PARP14: variants seen among roughly 807,000 people sequenced by gnomAD.
PARP14 encodes the protein protein mono-ADP-ribosyltransferase PARP14.
PARP14 carries 59 observed loss-of-function variants against 154.2 expected under a neutral mutation model. The ratio of observed to expected loss-of-function variants is 0.38; its 90% confidence interval spans 0.31 to 0.48. PARP14 has a LOEUF of 0.48. Ranked by LOEUF, PARP14 falls within the 20% of genes least tolerant of loss-of-function variation. The pLI, the probability that PARP14 is intolerant of heterozygous loss-of-function variation, is 0.98. For missense variants in PARP14, 1,734 were observed against 2,131.6 expected, an observed-to-expected ratio of 0.81 and a Z score of 3.67; for synonymous variants, 720 against 780.5, an observed-to-expected ratio of 0.92 and a Z score of 1.29.
Position 122,680,935 on chromosome 3 carries a change from G to A in PARP14, c.52G>A (p.Asp18Asn). 1 of 1,612,868 alleles carries A rather than the reference G, an allele frequency of 6.2e-7. No individual in the cohort carries two copies. The highest frequency in any genetic ancestry group is 1.1e-5 in the South Asian group (1 of 90,896). Residue 18 changes from aspartate to asparagine, a missense_variant, in exon 1 of 17, where the codon GAC becomes AAC. Asp to Asn is a conservative substitution (Grantham distance 23, BLOSUM62 1). Around this residue, in one of 2 missense-constraint regions of PARP14, gnomAD observed 1,646 missense variants for 1,976.0 expected, o/e 0.83. Transcript: ENST00000474629. ...PLLVEGSWGP[D>N]PPKNLNTKLQ... ...GCTGGTCGAGGGCTCCTGGGGCCCCGACCCCCCGAAGAACTTGAACACCAA... is the reference window on the plus strand; with the variant it reads ...GCTGGTCGAGGGCTCCTGGGGCCCCAACCCCCCGAAGAACTTGAACACCAA...
intron 7 of PARP14, 39 bp downstream of exon 7, chr3:122,704,017 C>A (rs1351732333): frequency 1.4e-6 from 2 of 1,416,830 alleles, no homozygotes; most frequent in South Asian, 1.2e-5. Context: ...AGTTGGGTAG[C>A]CCTTTGGGTT....
Position 122,713,410 on chromosome 3 carries a change from T to A in PARP14, c.3620-14T>A, listed in dbSNP as rs1474335658. The A allele has an allele frequency of 6.2e-7, 1 of 1,604,844 alleles. No individual in the cohort carries two copies. On this transcript the variant is annotated splice_polypyrimidine_tract_variant and intron_variant, in intron 9 of 16. Coordinates refer to ENST00000474629, the MANE Select transcript of PARP14 (RefSeq NM_017554.3). ...GGCTGACTCGGTTATTGACTTTACT[T>A]CTTTTCTTTTCAGGTTTTTATGGGA...
At chr3:122,697,402 T>C (rs1471274997) in intron 5 of PARP14, among the ~76,000 whole-genome samples, 1 of 152,258 alleles carries the variant, frequency 6.6e-6, no homozygotes, top group Non-Finnish European at 1.5e-5. Flanking sequence ...TCCAATAACT[T>C]GCCCAAGATT....
rs1933408200 is a variant in PARP14, at chr3:122,730,801, C to T, written c.*2204C>T. On this transcript the variant is annotated 3_prime_UTR_variant, in exon 17 of 17. Transcript: ENST00000474629. ...TCCTCAATCTAAATATGTCAACTGT[C>T]ATTTTGCTACTTTTCAAATAAAATA... 6.6e-6 allele frequency: 1 copy of T among 152,632 alleles called. No individual in the cohort carries two copies. The highest frequency in any genetic ancestry group is 2.4e-5 in the African/African-American group (1 of 41,440). 9.5% of individuals were successfully genotyped at this position (152,632 alleles called of 1,614,324 possible). A position where few individuals can be genotyped will look rare whatever the true frequency, so the allele number is the denominator to read the frequency against.
At position 122,729,083 on chromosome 3, in the gene PARP14, T is replaced by C. The variant is rs1933357266; in HGVS notation, c.*486T>C. The C allele has an allele frequency of 6.4e-6, 1 of 155,978 alleles. No individual in the cohort carries two copies. Among genetic ancestry groups the C allele is most frequent in the East Asian group, 1.9e-4 (1 of 5,274 alleles). 9.7% of individuals were successfully genotyped at this position (155,978 alleles called of 1,614,324 possible). A position where few individuals can be genotyped will look rare whatever the true frequency, so the allele number is the denominator to read the frequency against. On this transcript the variant is annotated 3_prime_UTR_variant, in exon 17 of 17. Coordinates refer to ENST00000474629, the MANE Select transcript of PARP14 (RefSeq NM_017554.3). ...CCCTTGAGATGAGGTCTGTGCCTGA[T>C]GTACAACGGATACTCCATAAATGTT...
rs989789952 is a variant in PARP14 at position 122,716,260 on chromosome 3, T to C, written c.4001-1811T>C. Among the ~76,000 whole-genome samples, 3 of 152,192 alleles carry C rather than the reference T, an allele frequency of 2.0e-5. No individual in the cohort carries two copies. The South Asian group carries it at 6.2e-4, about 31-fold the overall frequency. ...AACGCAGACTCCAAACTCTCATTCC[T>C]TGTCATCTCCCCAAACCTGCCCTTC... is the stretch of plus-strand genomic sequence containing the variant. On this transcript the variant is annotated intron_variant, in intron 12 of 16. Transcript: ENST00000474629.
intron 15 of PARP14, 151 bp downstream of exon 15, chr3:122,720,539 A>G (rs1274540345): frequency 2.8e-6 from 2 of 719,452 alleles, no homozygotes; most frequent in Non-Finnish European, 4.9e-6. Flanking sequence ...GATTCTACTC[A>G]TGTGACCATA....
chr3:122,696,353 G>A (rs1322507415), intron 5 of PARP14, among the ~76,000 whole-genome samples: 1 of 152,114 alleles, frequency 6.6e-6, no homozygotes, highest in Non-Finnish European at 1.5e-5. Context: ...AATCAGGGTG[G>A]GGCATGACAT....
chr3:122,689,724 C>T (rs1250998158), intron 3 of PARP14, among the ~76,000 whole-genome samples: 3 of 152,202 alleles, frequency 2.0e-5, no homozygotes, highest in East Asian at 1.9e-4. Context: ...TGTCTGCCAC[C>T]CTTCTCCTTA....
chr3:122,692,635 A>T, intron 4 of PARP14, 92 bp downstream of exon 4: 2 of 1,114,502 alleles, frequency 1.8e-6, no homozygotes, highest in Non-Finnish European at 1.3e-6. Context: ...TGAAAGTTTG[A>T]CTCTTTCTAG....
chr3:122,691,008 G>C (rs1281021835), intron 3 of PARP14, among the ~76,000 whole-genome samples: 1 of 152,114 alleles, frequency 6.6e-6, no homozygotes, highest in Non-Finnish European at 1.5e-5. Flanking sequence ...TATTTATATT[G>C]GCCAGGCCTG....
In PARP14 at chr3:122,701,230, G is replaced by C. The variant is rs746194256; in HGVS notation, c.2676G>C (p.Arg892Ser). 1 of 1,613,654 alleles carries C rather than the reference G, an allele frequency of 6.2e-7. No individual in the cohort carries two copies. Among genetic ancestry groups the C allele is most frequent in the Admixed American group, 1.7e-5 (1 of 59,928 alleles). ...GPRWSGYEAP[R>S]CVYLLRRAVQ... ...GCTGGAGCGGATATGAGGCCCCGAG[G>C]TGTGTGTACCTATTAAGGAGAGCTG... The change falls in exon 6 of 17, where the codon AGG (arginine) becomes AGC (serine). Residue 892 changes from arginine (R) to serine (S), a missense_variant. Physicochemically the swap from Arg to Ser is moderately radical, Grantham distance 110. Around this residue, in one of 2 missense-constraint regions of PARP14, gnomAD observed 1,646 missense variants for 1,976.0 expected, o/e 0.83. Transcript: ENST00000474629. This position sits in a 1 kb window ranked among gnomAD's most constrained non-coding sequence, Gnocchi z 4.0.
chr3:122,692,639 T>A, intron 4 of PARP14, 96 bp downstream of exon 4: 1 of 1,029,834 alleles, frequency 9.7e-7, no homozygotes, highest in Non-Finnish European at 1.4e-6. Context: ...AGTTTGACTC[T>A]TTCTAGTAGC....
intron 8 of PARP14, among the ~76,000 whole-genome samples, chr3:122,707,873 C>T (rs967381996): frequency 6.6e-5 from 10 of 152,198 alleles, no homozygotes; most frequent in African/African-American, 1.7e-4. Flanking sequence ...CACATGGATA[C>T]AGCAACATTT....
chr3:122,690,657 G>A (rs1877374), intron 3 of PARP14, among the ~76,000 whole-genome samples: 57,210 of 152,032 alleles, frequency 0.38, 13,515 homozygotes, highest in African/African-American at 0.65. Context: ...GATTAGAGGC[G>A]TGTGTTACCA....
chr3:122,690,520 A>G (rs1469729430), intron 3 of PARP14, among the ~76,000 whole-genome samples: 3 of 151,994 alleles, frequency 2.0e-5, no homozygotes, highest in Non-Finnish European at 4.4e-5. Flanking sequence ...TTGTTTGTTT[A>G]TTTATTCATT....
chr3:122,687,277 G>A lies in PARP14; in HGVS notation c.355+164G>A, dbSNP rs574196305. Among the ~76,000 whole-genome samples, 6 of 152,348 alleles carry A rather than the reference G, an allele frequency of 3.9e-5. No individual in the cohort carries two copies. In the East Asian group the frequency reaches 7.7e-4, roughly 20 times the overall value. ...ATCATCTTCATATTCTGAGCCAGCT[G>A]TGCAGAGGGTGGCTTTTAGCGCTCA... On this transcript the variant is annotated intron_variant, in intron 3 of 16. Transcript: ENST00000474629.
chr3:122,683,404 A>G (rs779341059), intron 1 of PARP14: 4 of 356,598 alleles, frequency 1.1e-5, no homozygotes, highest in Non-Finnish European at 1.6e-5. Context: ...ATTCATGTAT[A>G]GCAAATAGAA....
chr3:122,691,411 G>T (rs1010191859), intron 3 of PARP14, among the ~76,000 whole-genome samples: 2 of 152,200 alleles, frequency 1.3e-5, no homozygotes, highest in Non-Finnish European at 2.9e-5. Flanking sequence ...ACAGTGGAGA[G>T]GAATGAGTCA....
Sources: allele counts gnomAD v4.1 joint callset (sites outside exome capture counted in the v4.1 genomes callset), GRCh38; gene constraint gnomAD v4.1.1; regional missense constraint gnomAD v4.1.1; non-coding constraint Gnocchi (gnomAD v3.1); transcripts MANE v1.5; gene names NCBI Gene and HGNC (gene_info 2026-07-23, HGNC 2026-07-21).